Variants in NDUFAF3 observed in about 807,000 individuals in gnomAD.
NDUFAF3 encodes the protein NADH dehydrogenase [ubiquinone] 1 alpha subcomplex assembly factor 3.
NDUFAF3 carries 21 observed loss-of-function variants against 22.6 expected under a neutral mutation model. The observed-to-expected ratio is 0.93, with a 90% CI of 0.66 to 1.34. The LOEUF is 1.34. Among genes scored for constraint, NDUFAF3 ranks in the 40% most tolerant of loss-of-function variants. NDUFAF3 has a pLI of 0.00. For synonymous variants in NDUFAF3, 113 were observed against 104.9 expected (o/e 1.08, Z -0.47); for missense variants, 251 against 248.4 (o/e 1.01, Z -0.07).
chr3:49,021,685 G>A (rs2093158926), upstream of NDUFAF3: 1 of 176,280 alleles, frequency 5.7e-6, no homozygotes, highest in African/African-American at 2.4e-5. This position sits in a 1 kb window ranked among gnomAD's most constrained non-coding sequence, Gnocchi z 4.1. Flanking sequence ...AGAAACTTGA[G>A]CCGGCTGCCC....
upstream of NDUFAF3, chr3:49,022,109 G>C (rs1371136467): frequency 6.3e-7 from 1 of 1,592,696 alleles, no homozygotes; most frequent in Non-Finnish European, 8.5e-7. This position sits in a 1 kb window ranked among gnomAD's most constrained non-coding sequence, Gnocchi z 6.6. Flanking sequence ...GGGGACTAAC[G>C]GCGCCGGTGA....
At chr3:49,022,097 C>A (rs779701446), upstream of NDUFAF3, 2 of 1,576,290 alleles carry the variant, frequency 1.3e-6, no homozygotes, top group Non-Finnish European at 1.7e-6. This position sits in a 1 kb window ranked among gnomAD's most constrained non-coding sequence, Gnocchi z 6.6. Context: ...CCCTCCCAAC[C>A]CGGGGACTAA....
Position 49,022,565 on chromosome 3 carries a change from C to T in NDUFAF3, c.270+27C>T. The T allele has an allele frequency of 1.2e-6, 2 of 1,613,508 alleles. No homozygotes were observed. Among genetic ancestry groups the T allele is most frequent in the Non-Finnish European group, 1.7e-6 (2 of 1,179,950 alleles). On this transcript the variant is annotated intron_variant, in intron 2 of 4. Coordinates refer to ENST00000326925, the MANE Select transcript of NDUFAF3 (RefSeq NM_199069.2). This position sits in a 1 kb window ranked among gnomAD's most constrained non-coding sequence, Gnocchi z 6.6. ...TGAGTCCTGGCCCGCAGTGTGGAAA[C>T]TGAGGCCCAGAGTCACAGGCCCTCA...
upstream of NDUFAF3, chr3:49,021,822 G>A (rs897684204): frequency 2.3e-6 from 1 of 436,816 alleles, no homozygotes; most frequent in African/African-American, 2.1e-5. This position sits in a 1 kb window ranked among gnomAD's most constrained non-coding sequence, Gnocchi z 4.1. Context: ...CGGCTTAATA[G>A]CTGAGAGCCC....
In NDUFAF3 at chr3:49,022,908, G is replaced by T. The variant is rs750383513; in HGVS notation, c.370G>T (p.Glu124Ter). The T allele has an allele frequency of 6.2e-7, 1 of 1,614,028 alleles. No individual in the cohort carries two copies. Among genetic ancestry groups the T allele is most frequent in the South Asian group, 1.1e-5 (1 of 91,076 alleles). ...GGTGGTGGGGACTGGAGACCGGACC[G>T]AGAGGCTGCAGTCCCAGGTGCTTCA... is the stretch of plus-strand genomic sequence containing the variant. ...IVVVGTGDRTERLQSQVLQAM... is the reference protein window; with the variant it reads ...IVVVGTGDRT The change falls in exon 4 of 5, where the codon GAG (glutamate) becomes TAG (stop). Residue 124 changes from glutamate to a stop codon, truncating the protein, a stop_gained. Coordinates refer to ENST00000326925, the MANE Select transcript of NDUFAF3 (RefSeq NM_199069.2). LOFTEE classifies it high-confidence loss of function. The surrounding 1 kb of genome is among the most constrained non-coding windows in gnomAD (Gnocchi z 6.6).
At chr3:49,021,957 AGCT>A (rs2093161824), upstream of NDUFAF3, 9 of 633,192 alleles carry the variant, frequency 1.4e-5, no homozygotes, top group South Asian at 1.5e-4. The surrounding 1 kb of genome is among the most constrained non-coding windows in gnomAD (Gnocchi z 4.1). Context: ...CTGACACTGG[AGCT>A]GCGCCGGAGG....
rs753747768 is a variant in NDUFAF3 at position 49,022,346 on chromosome 3, G to C, written c.78G>C (p.Trp26Cys). Residue 26 changes from tryptophan (W) to cysteine (C), a missense_variant and splice_region_variant, in exon 2 of 5, where the codon TGG becomes TGC. By Grantham distance (215) the Trp-to-Cys change is radical. Coordinates refer to ENST00000326925, the MANE Select transcript of NDUFAF3 (RefSeq NM_199069.2). The surrounding 1 kb of genome is among the most constrained non-coding windows in gnomAD (Gnocchi z 6.6). Reference protein sequence around the residue: ...SLRCPPVELPWAPRRGHRLSP... With the variant: ...SLRCPPVELPCAPRRGHRLSP... ...CGCCCCTGACCCTTTCCCTCCGCAGGGCCCCGCGGCGAGGGCATCGGCTCT... is the reference window on the plus strand; with the variant it reads ...CGCCCCTGACCCTTTCCCTCCGCAGCGCCCCGCGGCGAGGGCATCGGCTCT... 1.7e-5 allele frequency: 27 copies of C among 1,611,502 alleles called. No individual in the cohort carries two copies. Among genetic ancestry groups the C allele is most frequent in the Non-Finnish European group, 2.3e-5 (27 of 1,179,858 alleles).
chr3:49,022,870 C>T lies in NDUFAF3; in HGVS notation c.338-6C>T. 2 of 1,613,920 alleles carry T rather than the reference C, an allele frequency of 1.2e-6. No individual in the cohort carries two copies. Among genetic ancestry groups the T allele is most frequent in the Non-Finnish European group, 1.7e-6 (2 of 1,179,954 alleles). On this transcript the variant is annotated splice_region_variant and splice_polypyrimidine_tract_variant and intron_variant, in intron 3 of 4. Transcript: ENST00000326925. This position sits in a 1 kb window ranked among gnomAD's most constrained non-coding sequence, Gnocchi z 6.6. The stretch of plus-strand genomic sequence containing the variant: ...CTGTAGACTAGCCACACCCACCCTT[C>T]CCTAGAGATCGTGGTGGTGGGGACT...
chr3:49,022,102 G>A (rs1032245306), upstream of NDUFAF3: 9 of 1,583,760 alleles, frequency 5.7e-6, no homozygotes, highest in African/African-American at 9.4e-5. This position sits in a 1 kb window ranked among gnomAD's most constrained non-coding sequence, Gnocchi z 6.6. Context: ...CCAACCCGGG[G>A]ACTAACGGCG....
chr3:49,022,539 G>T lies in NDUFAF3; in HGVS notation c.270+1G>T, dbSNP rs764377726. ...CCCGCACTCGGTGGTGCAGTGGAACGTGAGTCCTGGCCCGCAGTGTGGAAA... is the reference window on the plus strand; with the variant it reads ...CCCGCACTCGGTGGTGCAGTGGAACTTGAGTCCTGGCCCGCAGTGTGGAAA... On this transcript the variant is annotated splice_donor_variant, in intron 2 of 4. Transcript: ENST00000326925. LOFTEE classifies it high-confidence loss of function. This position sits in a 1 kb window ranked among gnomAD's most constrained non-coding sequence, Gnocchi z 6.6. 1 of 1,613,318 alleles carries T rather than the reference G, an allele frequency of 6.2e-7. No homozygotes were observed. The highest frequency in any genetic ancestry group is 1.1e-5 in the South Asian group (1 of 91,066).
Position 49,023,359 on chromosome 3 carries a change from C to T in NDUFAF3, c.*187C>T, listed in dbSNP as rs1024181349. On this transcript the variant is annotated 3_prime_UTR_variant, in exon 5 of 5. Transcript: ENST00000326925. ...GCTCTTGGAGGGGAATGTGAAGAAA[C>T]CAAGGAGTCACTTTTTCATCTAGAT... 2 of 651,564 alleles carry T rather than the reference C, an allele frequency of 3.1e-6. No homozygotes were observed. The highest frequency in any genetic ancestry group is 3.6e-5 in the African/African-American group (2 of 55,222). 40.4% of individuals were successfully genotyped at this position (651,564 alleles called of 1,614,324 possible).
At chr3:49,020,721 C>CG (rs761775580), upstream of NDUFAF3, 31 of 477,490 alleles carry the variant, frequency 6.5e-5, no homozygotes, top group Middle Eastern at 5.4e-4. Context: ...TGGCGGGGGG[C>CG]GGGGGAGCTC....
chr3:49,023,080 T>G lies in NDUFAF3; in HGVS notation c.463T>G (p.Phe155Val), dbSNP rs1250714152. Reference sequence around the variant, plus strand: ...GCCCAATGCCTGTGCCACCTTCAACTTCCTGTGTCATGAAGGCCGAGTAAC... The same window carrying G: ...GCCCAATGCCTGTGCCACCTTCAACGTCCTGTGTCATGAAGGCCGAGTAAC... Reference protein sequence around the residue: ...DTPNACATFNFLCHEGRVTGA... With the variant: ...DTPNACATFNVLCHEGRVTGA... Residue 155 changes from phenylalanine to valine, a missense_variant, in exon 5 of 5, where the codon TTC (phenylalanine) becomes GTC (valine). Physicochemically the swap from Phe to Val is conservative, Grantham distance 50. Coordinates refer to ENST00000326925, the MANE Select transcript of NDUFAF3 (RefSeq NM_199069.2). 1 of 1,614,054 alleles carries G rather than the reference T, an allele frequency of 6.2e-7. No individual in the cohort carries two copies. The highest frequency in any genetic ancestry group is 2.2e-5 in the East Asian group (1 of 44,888).
Position 49,022,356 on chromosome 3 carries a change from C to T in NDUFAF3, c.88C>T (p.Arg30Ter). The change falls in exon 2 of 5, where the codon CGA becomes TGA. Residue 30 changes from arginine to a stop codon, truncating the protein, a stop_gained. Transcript: ENST00000326925. LOFTEE classifies it high-confidence loss of function. The surrounding 1 kb of genome is among the most constrained non-coding windows in gnomAD (Gnocchi z 6.6). The part of the protein sequence containing the change: ...PPVELPWAPR[R>*]GHRLSPADDE... ...CCTTTCCCTCCGCAGGGCCCCGCGG[C>T]GAGGGCATCGGCTCTCGCCGGCGGA... 1.2e-6 allele frequency: 2 copies of T among 1,612,038 alleles called. No individual in the cohort carries two copies. The highest frequency in any genetic ancestry group is 1.7e-6 in the Non-Finnish European group (2 of 1,179,922).
At chr3:49,021,470 C>A (rs917964049), upstream of NDUFAF3, 3 of 153,744 alleles carry the variant, frequency 2.0e-5, no homozygotes, top group Non-Finnish European at 4.4e-5. The surrounding 1 kb of genome is among the most constrained non-coding windows in gnomAD (Gnocchi z 4.1). Flanking sequence ...GAACAGCCAC[C>A]CAAACACTAT....
upstream of NDUFAF3, chr3:49,021,201 C>G (rs1475958675): frequency 1.3e-5 from 2 of 152,630 alleles, no homozygotes; most frequent in Non-Finnish European, 2.9e-5. The surrounding 1 kb of genome is among the most constrained non-coding windows in gnomAD (Gnocchi z 4.1). Context: ...CAGGCTCCCA[C>G]TGTGCCGAGC....
At position 49,022,375 on chromosome 3, in the gene NDUFAF3, C is replaced by T. The variant is rs2093168491; in HGVS notation, c.107C>T (p.Pro36Leu). 4.3e-6 allele frequency: 7 copies of T among 1,612,542 alleles called. No homozygotes were observed. The East Asian group carries it at 1.6e-4, about 36-fold the overall frequency. ...WAPRRGHRLS[P>L]ADDELYQRTR... Reference sequence around the variant, plus strand: ...CCGCGGCGAGGGCATCGGCTCTCGCCGGCGGATGACGAGCTGTATCAGCGG... The same window carrying T: ...CCGCGGCGAGGGCATCGGCTCTCGCTGGCGGATGACGAGCTGTATCAGCGG... Residue 36 changes from proline (P) to leucine (L), a missense_variant, in exon 2 of 5, where the codon CCG becomes CTG. Coordinates refer to ENST00000326925, the MANE Select transcript of NDUFAF3 (RefSeq NM_199069.2). This position sits in a 1 kb window ranked among gnomAD's most constrained non-coding sequence, Gnocchi z 6.6.
Position 49,022,215 on chromosome 3 carries a change from T to A in NDUFAF3, c.71T>A (p.Leu24His), listed in dbSNP as rs2093165562. 1.2e-6 allele frequency: 2 copies of A among 1,610,884 alleles called. No individual in the cohort carries two copies. The change falls in exon 1 of 5, where the codon CTT (leucine) becomes CAT (histidine). Residue 24 changes from leucine (L) to histidine (H), a missense_variant. By Grantham distance (99) the Leu-to-His change is moderately conservative (BLOSUM62 -3). Coordinates refer to ENST00000326925, the MANE Select transcript of NDUFAF3 (RefSeq NM_199069.2). The surrounding 1 kb of genome is among the most constrained non-coding windows in gnomAD (Gnocchi z 6.6). ...RPSLRCPPVE[L>H]PWAPRRGHRL... Reference sequence around the variant, plus strand: ...TCGCTGCGCTGTCCGCCCGTTGAGCTTCCCTGGTGAGCTTGGACCCCGCGC... The same window carrying A: ...TCGCTGCGCTGTCCGCCCGTTGAGCATCCCTGGTGAGCTTGGACCCCGCGC...
At position 49,022,859 on chromosome 3, in the gene NDUFAF3, C is replaced by A; in HGVS notation, c.338-17C>A. ...TCTCAACAGAACTGTAGACTAGCCA[C>A]ACCCACCCTTCCCTAGAGATCGTGG... On this transcript the variant is annotated splice_polypyrimidine_tract_variant and intron_variant, in intron 3 of 4. Transcript: ENST00000326925. The surrounding 1 kb of genome is among the most constrained non-coding windows in gnomAD (Gnocchi z 6.6). 1.2e-6 allele frequency: 2 copies of A among 1,613,632 alleles called. No individual in the cohort carries two copies. The highest frequency in any genetic ancestry group is 1.7e-6 in the Non-Finnish European group (2 of 1,179,774).
Sources: gnomAD v4.1 joint callset for allele counts on GRCh38, gnomAD v4.1.1 for gene constraint, Gnocchi (gnomAD v3.1) non-coding constraint, MANE v1.5 for transcripts, NCBI Gene and HGNC (gene_info 2026-07-23, HGNC 2026-07-21) for gene names.